TSC22D1: variants seen among roughly 807,000 people sequenced by gnomAD.
TSC22D1 encodes the protein TSC22 domain family protein 1.
A neutral mutation model predicts 74.2 loss-of-function variants in TSC22D1; 9 were observed. The ratio of observed to expected loss-of-function variants is 0.12; its 90% confidence interval spans 0.07 to 0.21. The LOEUF (loss-of-function observed/expected upper bound fraction) is 0.21. Ranked by LOEUF, TSC22D1 falls within the 10% of genes least tolerant of loss-of-function variation. The pLI is 1.00. For synonymous variants in TSC22D1, 586 were observed against 492.5 expected, an observed-to-expected ratio of 1.19 and a Z score of -2.51; for missense variants, 1,427 against 1,304.7, an observed-to-expected ratio of 1.09 and a Z score of -1.44.
At chr13:44,530,101 T>C (rs1160931335) in intron 1 of TSC22D1, among the ~76,000 whole-genome samples, 1 of 152,054 alleles carries the variant, frequency 6.6e-6, no homozygotes, top group Non-Finnish European at 1.5e-5. Context: ...AGGTCCAAAA[T>C]GGCCAACACG....
At chr13:44,436,685 T>C (rs1874673249) in intron 1 of TSC22D1, 4 of 1,556,710 alleles carry the variant, frequency 2.6e-6, no homozygotes, top group Non-Finnish European at 2.6e-6. Flanking sequence ...AGCAGCCTTG[T>C]ATAAGCTAGA....
intron 1 of TSC22D1, among the ~76,000 whole-genome samples, chr13:44,511,662 T>C (rs932529152): frequency 2.6e-5 from 4 of 151,884 alleles, no homozygotes; most frequent in Admixed American, 2.6e-4. Flanking sequence ...TTTTTTGTTG[T>C]TGTTAAACAA....
chr13:44,468,896 C>T (rs1351797312), intron 1 of TSC22D1, among the ~76,000 whole-genome samples: 1 of 131,026 alleles, frequency 7.6e-6, no homozygotes, highest in African/African-American at 2.5e-5. Context: ...CTTAACCTCA[C>T]CTAGCAAGTT....
intron 1 of TSC22D1, among the ~76,000 whole-genome samples, chr13:44,555,516 G>A (rs930716935): frequency 1.3e-5 from 2 of 152,122 alleles, no homozygotes; most frequent in Admixed American, 6.5e-5. Flanking sequence ...TGAGGCGGGA[G>A]AACCACTTGA....
intron 1 of TSC22D1, among the ~76,000 whole-genome samples, chr13:44,542,654 T>A (rs968296228): frequency 1.3e-5 from 2 of 152,094 alleles, no homozygotes; most frequent in African/African-American, 4.8e-5. Context: ...CAGAAATGAA[T>A]AAGCAGATTT....
At chr13:44,541,934 T>G (rs2138100948) in intron 1 of TSC22D1, among the ~76,000 whole-genome samples, 1 of 152,252 alleles carries the variant, frequency 6.6e-6, no homozygotes, top group East Asian at 1.9e-4. Context: ...AAAAATTATT[T>G]ATTAAACAAT....
At chr13:44,436,876 G>C in intron 1 of TSC22D1, 1 of 1,197,756 alleles carries the variant, frequency 8.3e-7, no homozygotes, top group Non-Finnish European at 1.0e-6. Flanking sequence ...CCCAGTCTTA[G>C]TGCAAAATAT....
intron 1 of TSC22D1, among the ~76,000 whole-genome samples, chr13:44,549,297 A>G (rs1595156519): frequency 6.6e-6 from 1 of 152,210 alleles, no homozygotes; most frequent in African/African-American, 2.4e-5. Flanking sequence ...CTTTATCAAT[A>G]AAGTGGGGTA....
intron 1 of TSC22D1, among the ~76,000 whole-genome samples, chr13:44,521,002 G>T (rs1880288252): frequency 6.6e-6 from 1 of 152,146 alleles, no homozygotes; most frequent in Non-Finnish European, 1.5e-5. Context: ...TGCAGATGAG[G>T]AAACTGAGAC....
intron 1 of TSC22D1, among the ~76,000 whole-genome samples, chr13:44,544,910 T>C (rs182928553): frequency 6.6e-6 from 1 of 152,252 alleles, no homozygotes; most frequent in East Asian, 1.9e-4. Context: ...ATCTACAATA[T>C]ATATATTTTA....
chr13:44,494,559 A>AAAAAAAT (rs1435203451), intron 1 of TSC22D1, among the ~76,000 whole-genome samples: 3 of 151,626 alleles, frequency 2.0e-5, no homozygotes, highest in Admixed American at 2.0e-4. Context: ...CCCCATCTCA[A>AAAAAAAT]AAAAAATAAA....
At chr13:44,495,141 T>C (rs1315490805) in intron 1 of TSC22D1, among the ~76,000 whole-genome samples, 3 of 151,942 alleles carry the variant, frequency 2.0e-5, no homozygotes, top group East Asian at 1.9e-4. Context: ...TCTCAACACA[T>C]AATGAGAGTT....
At chr13:44,522,025 T>C (rs573544823) in intron 1 of TSC22D1, among the ~76,000 whole-genome samples, 8 of 152,260 alleles carry the variant, frequency 5.3e-5, no homozygotes, top group African/African-American at 1.9e-4. Flanking sequence ...ACCAACAATA[T>C]ATGCTTTTAA....
intron 1 of TSC22D1, among the ~76,000 whole-genome samples, chr13:44,470,890 T>C (rs575322754): frequency 6.6e-6 from 1 of 152,174 alleles, no homozygotes; most frequent in Non-Finnish European, 1.5e-5. Context: ...CCTTATTCCC[T>C]CCACACTACT....
chr13:44,443,285 G>A (rs568916173), intron 1 of TSC22D1, among the ~76,000 whole-genome samples: 1 of 150,912 alleles, frequency 6.6e-6, no homozygotes, highest in South Asian at 2.1e-4. Flanking sequence ...CCAGAAGACA[G>A]TGCAGCAACA....
At chr13:44,570,320 A>G (rs902936929) in intron 1 of TSC22D1, among the ~76,000 whole-genome samples, 3 of 151,266 alleles carry the variant, frequency 2.0e-5, no homozygotes, top group African/African-American at 7.3e-5. Flanking sequence ...CCTTCCAGGT[A>G]GCTGGAACTA....
chr13:44,436,856 G>C (rs1370192892), intron 1 of TSC22D1: 2 of 1,274,996 alleles, frequency 1.6e-6, no homozygotes, highest in Non-Finnish European at 2.0e-6. Flanking sequence ...CTCAGCTCTA[G>C]ACCAGGACTC....
rs748877590 is a variant in TSC22D1, at chr13:44,434,657, G to A, written c.3191C>T (p.Pro1064Leu). 2.5e-6 allele frequency: 4 copies of A among 1,589,174 alleles called. No individual in the cohort carries two copies. The South Asian group carries it at 3.5e-5, about 14-fold the overall frequency. The change falls in exon 3 of 3, where the codon CCA (proline) becomes CTA (leucine). Residue 1064 changes from proline to leucine, a missense_variant. By Grantham distance (98) the Pro-to-Leu change is moderately conservative. Transcript: ENST00000458659. ...PQGTTQPPAQ[P>L]ASQGSGPTA ...GGTTGGTCCTGAGCCCTGCGATGCT[G>A]GCTGGGCGGGGGGCTGTGTGGTGCC...
At chr13:44,569,087 T>TAAAATATTTTATTTA (rs1883572107) in intron 1 of TSC22D1, among the ~76,000 whole-genome samples, 1 of 152,244 alleles carries the variant, frequency 6.6e-6, no homozygotes, top group Non-Finnish European at 1.5e-5. Flanking sequence ...ATTTAACAAA[T>TAAAATATTTTATTTA]ACCTACATAG....
Sources: gnomAD v4.1 joint callset for allele counts (sites outside exome capture counted in the v4.1 genomes callset) on GRCh38, gnomAD v4.1.1 for gene constraint, MANE v1.5 for transcripts, NCBI Gene and HGNC (gene_info 2026-07-23, HGNC 2026-07-21) for gene names.